WDR7: variants seen among roughly 807,000 people sequenced by gnomAD.
WDR7 encodes the protein WD repeat domain 7, also known as WD repeat-containing protein 7.
Under a neutral mutation model 169.4 loss-of-function variants are expected in WDR7, and 46 were observed. That is an observed-to-expected ratio of 0.27 (90% CI 0.21 to 0.35). The LOEUF (loss-of-function observed/expected upper bound fraction) is 0.35. WDR7 is among the 10% of genes least tolerant of loss of function. The pLI is 1.00. For synonymous variants in WDR7, 612 were observed against 666.8 expected, an observed-to-expected ratio of 0.92 and a Z score of 1.27; for missense variants, 1,534 against 1,859.3, an observed-to-expected ratio of 0.83 and a Z score of 3.22.
At chr18:57,008,758 A>G (rs576998878) in intron 26 of WDR7, among the ~76,000 whole-genome samples, 93 of 152,332 alleles carry the variant, frequency 6.1e-4, no homozygotes, top group Non-Finnish European at 1.1e-3. Flanking sequence ...TGATTGCACC[A>G]TACCATAGTC....
intron 21 of WDR7, among the ~76,000 whole-genome samples, chr18:56,883,843 ATTCC>A (rs2046148949): frequency 6.6e-6 from 1 of 152,190 alleles, no homozygotes; most frequent in Non-Finnish European, 1.5e-5. Context: ...CCAATATTTC[ATTCC>A]TTTTTATGGC....
chr18:56,973,392 G>C (rs2047520200), intron 26 of WDR7, among the ~76,000 whole-genome samples: 1 of 151,962 alleles, frequency 6.6e-6, no homozygotes, highest in African/African-American at 2.4e-5. Flanking sequence ...ACATTATTTT[G>C]TATATTTCTT....
chr18:56,730,823 G>T (rs2026569121), intron 13 of WDR7, among the ~76,000 whole-genome samples: 1 of 152,100 alleles, frequency 6.6e-6, no homozygotes, highest in African/African-American at 2.4e-5. Flanking sequence ...GTAAGTAGAA[G>T]TAGTGGTAAT....
rs1271750791 is a variant in WDR7 at position 56,778,630 on chromosome 18, A to T, written c.2948-801A>T. On this transcript the variant is annotated intron_variant, in intron 17 of 27. Coordinates refer to ENST00000254442, the MANE Select transcript of WDR7 (RefSeq NM_015285.3). Reference sequence around the variant, plus strand: ...ATACCTTTAAAATGGCATTGGAGTGACTATTTGGGAATGTCTGTTATCTAA... The same window carrying T: ...ATACCTTTAAAATGGCATTGGAGTGTCTATTTGGGAATGTCTGTTATCTAA... 3.3e-5 allele frequency among the ~76,000 whole-genome samples: 5 copies of T among 152,278 alleles called. 1 individual carries two copies. The East Asian group carries it at 5.8e-4, about 18-fold the overall frequency.
chr18:56,862,469 T>C (rs2045821154), intron 20 of WDR7, among the ~76,000 whole-genome samples: 1 of 151,610 alleles, frequency 6.6e-6, no homozygotes, highest in Admixed American at 6.6e-5. Context: ...AAATTTTTCT[T>C]ATTTATATAA....
chr18:56,681,520 G>C (rs2025349841), intron 4 of WDR7, 129 bp downstream of exon 4: 2 of 549,416 alleles, frequency 3.6e-6, no homozygotes, highest in Non-Finnish European at 5.9e-6. Flanking sequence ...AAGAAAACTA[G>C]AATTGAAGCG....
At chr18:56,686,131 G>A in intron 6 of WDR7, 99 bp downstream of exon 6, 1 of 981,022 alleles carries the variant, frequency 1.0e-6, no homozygotes, top group Non-Finnish European at 1.5e-6. Flanking sequence ...AAGGGGGAAG[G>A]AAAAAGTGAT....
chr18:56,699,429 A>G (rs2025776341), intron 12 of WDR7, among the ~76,000 whole-genome samples: 1 of 152,222 alleles, frequency 6.6e-6, no homozygotes, highest in Non-Finnish European at 1.5e-5. Flanking sequence ...ATTGGGCAAT[A>G]GTAGTTGAGA....
intron 20 of WDR7, among the ~76,000 whole-genome samples, chr18:56,824,181 T>C (rs570325555): frequency 6.6e-6 from 1 of 152,216 alleles, no homozygotes; most frequent in Non-Finnish European, 1.5e-5. Flanking sequence ...CTGACTGGCA[T>C]GCTCTTAACT....
At chr18:56,693,207 A>G (rs1021955762) in intron 9 of WDR7, among the ~76,000 whole-genome samples, 1 of 152,230 alleles carries the variant, frequency 6.6e-6, no homozygotes, top group African/African-American at 2.4e-5. Flanking sequence ...TATTAACTAT[A>G]ATTGTCAAAA....
At chr18:56,863,660 A>G (rs1170134099) in intron 20 of WDR7, among the ~76,000 whole-genome samples, 2 of 151,700 alleles carry the variant, frequency 1.3e-5, no homozygotes, top group Non-Finnish European at 3.0e-5. Context: ...AAAGTAATTT[A>G]TATTTACATT....
chr18:56,891,695 T>G (rs997120190), intron 21 of WDR7, among the ~76,000 whole-genome samples: 1 of 152,118 alleles, frequency 6.6e-6, no homozygotes, highest in African/African-American at 2.4e-5. Context: ...AGATGCATTT[T>G]TCCCCCAAAG....
At chr18:56,731,683 A>T (rs1482968839) in intron 14 of WDR7, 86 bp downstream of exon 14, 11 of 1,194,430 alleles carry the variant, frequency 9.2e-6, no homozygotes, top group Middle Eastern at 2.0e-4. Context: ...TTAGAAAATA[A>T]TTTTTGAGAA....
chr18:56,972,329 A>G (rs1291716291), intron 26 of WDR7, among the ~76,000 whole-genome samples: 1 of 152,184 alleles, frequency 6.6e-6, no homozygotes, highest in African/African-American at 2.4e-5. Context: ...GATCTTGTGG[A>G]CAGTAAGATT....
At chr18:56,984,267 C>T (rs975000635) in intron 26 of WDR7, among the ~76,000 whole-genome samples, 1 of 152,066 alleles carries the variant, frequency 6.6e-6, no homozygotes, top group Non-Finnish European at 1.5e-5. Flanking sequence ...TCAACATATT[C>T]CTACCCATAA....
intron 12 of WDR7, among the ~76,000 whole-genome samples, chr18:56,710,877 A>G (rs1389692844): frequency 6.6e-6 from 1 of 152,232 alleles, no homozygotes; most frequent in Admixed American, 6.5e-5. Flanking sequence ...AGCAAAAAGT[A>G]TCAACCCCCA....
chr18:56,691,419 G>T, intron 8 of WDR7, 58 bp downstream of exon 8: 5 of 1,493,808 alleles, frequency 3.3e-6, no homozygotes, highest in Non-Finnish European at 4.4e-6. Flanking sequence ...CAGAATTTAG[G>T]GTACAACCTG....
At chr18:56,881,192 G>GT (rs900404275) in intron 21 of WDR7, among the ~76,000 whole-genome samples, 1 of 152,148 alleles carries the variant, frequency 6.6e-6, no homozygotes, top group African/African-American at 2.4e-5. Context: ...TCCTATAACT[G>GT]TTTTTTGAAA....
chr18:56,911,113 C>T (rs2046546207), intron 21 of WDR7, among the ~76,000 whole-genome samples: 1 of 152,132 alleles, frequency 6.6e-6, no homozygotes, highest in Non-Finnish European at 1.5e-5. Context: ...CTGCTGTGGT[C>T]AGGCTGGGAA....
Sources: allele counts gnomAD v4.1 joint callset (sites outside exome capture counted in the v4.1 genomes callset), GRCh38; gene constraint gnomAD v4.1.1; transcripts MANE v1.5; gene names NCBI Gene and HGNC (gene_info 2026-07-23, HGNC 2026-07-21).